The following ANKRD45 variants were observed in gnomAD, a reference collection of about 807,000 sequenced individuals.
ANKRD45 encodes ankyrin repeat domain-containing protein 45.
A neutral mutation model predicts 28.1 loss-of-function variants in ANKRD45; 21 were observed. That is an observed-to-expected ratio of 0.75 (90% CI 0.53 to 1.08). The LOEUF (loss-of-function observed/expected upper bound fraction) is 1.08, where lower values mean the gene tolerates loss of function less well. Among genes scored for constraint, ANKRD45 ranks in the 50% least tolerant of loss-of-function variants. The probability of loss-of-function intolerance (pLI) is 0.00; values close to 1 mark genes in which losing one functional copy is unlikely to be tolerated. For missense variants in ANKRD45, 261 were observed against 308.7 expected (o/e 0.85, Z 1.16); for synonymous variants, 86 against 103.9 (o/e 0.83, Z 1.05).
intron 3 of ANKRD45, among the ~76,000 whole-genome samples, chr1:173,637,952 A>C (rs573513449): frequency 1.3e-5 from 2 of 152,270 alleles, no homozygotes; most frequent in Admixed American, 1.3e-4. Context: ...GGAGCAAGGA[A>C]TATAGTTGGA....
intron 2 of ANKRD45, among the ~76,000 whole-genome samples, chr1:173,654,028 C>T (rs1034920860): frequency 2.0e-5 from 3 of 148,930 alleles, no homozygotes; most frequent in African/African-American, 7.4e-5. Flanking sequence ...CTCCTGAGTA[C>T]AGCACACTGA....
At chr1:173,618,526 A>G (rs1450730569) in intron 5 of ANKRD45, among the ~76,000 whole-genome samples, 1 of 152,242 alleles carries the variant, frequency 6.6e-6, no homozygotes, top group African/African-American at 2.4e-5. Flanking sequence ...ACAGACGAAG[A>G]GGAGGAAAAA....
At chr1:173,712,899 A>C in the ANKRD45 span, among the ~76,000 whole-genome samples, 3 of 152,172 alleles carry the variant, frequency 2.0e-5, no homozygotes, top group Non-Finnish European at 4.4e-5. Flanking sequence ...TCAGTTTTTG[A>C]TTCAATAGGT....
At chr1:173,626,976 A>C (rs1667968127) in intron 4 of ANKRD45, 89 bp downstream of exon 4, 3 of 847,838 alleles carry the variant, frequency 3.5e-6, no homozygotes, top group Non-Finnish European at 5.7e-6. Flanking sequence ...AAGGACCACT[A>C]CCTGCCTTTA....
At chr1:173,650,971 C>A (rs1669184120) in intron 2 of ANKRD45, among the ~76,000 whole-genome samples, 1 of 152,062 alleles carries the variant, frequency 6.6e-6, no homozygotes, top group Non-Finnish European at 1.5e-5. Flanking sequence ...TGTTTAAGTT[C>A]TTTGCAGATT....
intron 2 of ANKRD45, among the ~76,000 whole-genome samples, chr1:173,655,043 A>T (rs542427814): frequency 1.3e-5 from 2 of 152,306 alleles, no homozygotes; most frequent in South Asian, 4.1e-4. Flanking sequence ...GGGTTCAAAC[A>T]TCCTTCTTTA....
At chr1:173,677,021 A>C in the ANKRD45 span, among the ~76,000 whole-genome samples, 8 of 151,956 alleles carry the variant, frequency 5.3e-5, no homozygotes, top group Non-Finnish European at 1.0e-4. Flanking sequence ...AACCGGGAAT[A>C]TCTTAAAGGA....
At chr1:173,706,927 C>T in the ANKRD45 span, among the ~76,000 whole-genome samples, 3 of 152,066 alleles carry the variant, frequency 2.0e-5, no homozygotes, top group Admixed American at 6.5e-5. Flanking sequence ...CATTCTTCCC[C>T]ACAGTTGTGT....
chr1:173,639,683 A>G (rs2102347122), intron 3 of ANKRD45, among the ~76,000 whole-genome samples: 1 of 152,372 alleles, frequency 6.6e-6, no homozygotes, highest in Non-Finnish European at 1.5e-5. Flanking sequence ...GGAGGGATCC[A>G]GGACTAAGGC....
In ANKRD45 at chr1:173,642,542, T is replaced by C. The variant is rs577700804; in HGVS notation, c.496+4304A>G. Reference sequence around the variant, plus strand: ...ATAGTAACCTCTCTTAGAAGCAAAATTTACTCAAAGACCTGTGCTAATATT... The same window carrying C: ...ATAGTAACCTCTCTTAGAAGCAAAACTTACTCAAAGACCTGTGCTAATATT... On this transcript the variant is annotated intron_variant, in intron 3 of 5. Coordinates refer to ENST00000333279, the MANE Select transcript of ANKRD45 (RefSeq NM_198493.3). 2.4e-4 allele frequency among the ~76,000 whole-genome samples: 37 copies of C among 152,264 alleles called. 1 individual carries two copies. The East Asian group carries it at 6.7e-3, about 28-fold the overall frequency.
chr1:173,707,064 T>C, the ANKRD45 span, among the ~76,000 whole-genome samples: 1 of 152,218 alleles, frequency 6.6e-6, no homozygotes, highest in Non-Finnish European at 1.5e-5. Flanking sequence ...TCATAATATA[T>C]TTAAATGATT....
the ANKRD45 span, among the ~76,000 whole-genome samples, chr1:173,696,224 G>T: frequency 1.3e-5 from 2 of 152,136 alleles, no homozygotes; most frequent in Non-Finnish European, 2.9e-5. Flanking sequence ...TCTCAGACTG[G>T]CTGATACTTA....
chr1:173,642,820 C>G (rs1452893615), intron 3 of ANKRD45, among the ~76,000 whole-genome samples: 1 of 152,188 alleles, frequency 6.6e-6, no homozygotes, highest in Non-Finnish European at 1.5e-5. Context: ...AGGTTGAGTA[C>G]AGAATGTGAG....
At chr1:173,647,566 T>C (rs1171534256) in intron 2 of ANKRD45, among the ~76,000 whole-genome samples, 4 of 152,224 alleles carry the variant, frequency 2.6e-5, no homozygotes, top group Non-Finnish European at 5.9e-5. Context: ...TGAGGTATAA[T>C]TGTAAACAAG....
At chr1:173,714,859 G>C in the ANKRD45 span, 2 of 152,256 alleles carry the variant, frequency 1.3e-5, no homozygotes, top group Non-Finnish European at 2.9e-5. Flanking sequence ...ACTACTTCCG[G>C]AGCCGCACCG....
intron 3 of ANKRD45, chr1:173,635,774 G>A: frequency 6.5e-7 from 1 of 1,535,410 alleles, no homozygotes; most frequent in Admixed American, 2.0e-5. Context: ...TTTATTACAA[G>A]CTGTCTTCTT....
chr1:173,668,901 T>G (rs774014601), intron 1 of ANKRD45, among the ~76,000 whole-genome samples: 30 of 152,250 alleles, frequency 2.0e-4, no homozygotes, highest in Admixed American at 3.3e-4. Context: ...ATGGCATTGC[T>G]TTAGTCTTGA....
chr1:173,691,956 C>G, the ANKRD45 span, among the ~76,000 whole-genome samples: 1 of 152,120 alleles, frequency 6.6e-6, no homozygotes, highest in Non-Finnish European at 1.5e-5. Flanking sequence ...TAAACTAATA[C>G]TGATTGGCTA....
At chr1:173,664,381 A>C (rs1473831140) in intron 1 of ANKRD45, among the ~76,000 whole-genome samples, 2 of 152,184 alleles carry the variant, frequency 1.3e-5, no homozygotes, top group African/African-American at 2.4e-5. Context: ...AACCTTAGAG[A>C]ATAGAGGCAG....
Sources: gnomAD v4.1 joint callset for allele counts (sites outside exome capture counted in the v4.1 genomes callset) on GRCh38, gnomAD v4.1.1 for gene constraint, MANE v1.5 for transcripts, NCBI Gene and HGNC (gene_info 2026-07-23, HGNC 2026-07-21) for gene names.